PPP1R16B: variants seen among roughly 807,000 people sequenced by gnomAD.
PPP1R16B encodes protein phosphatase 1 regulatory subunit 16B.
PPP1R16B carries 14 observed loss-of-function variants against 61.7 expected under a neutral mutation model. That is an observed-to-expected ratio of 0.23 (90% CI 0.15 to 0.35). The LOEUF (loss-of-function observed/expected upper bound fraction) is 0.35, where lower values mean the gene tolerates loss of function less well. Ranked by LOEUF, PPP1R16B falls within the 10% of genes least tolerant of loss-of-function variation. PPP1R16B has a pLI of 1.00. For synonymous variants in PPP1R16B, 266 were observed against 305.3 expected (o/e 0.87, Z 1.34); for missense variants, 547 against 752.5 (o/e 0.73, Z 3.19).
At chr20:38,809,985 G>GAAAAAAAAAAAA (rs11086731) in intron 1 of PPP1R16B, among the ~76,000 whole-genome samples, 1 of 80,150 alleles carries the variant, frequency 1.2e-5, no homozygotes, top group Admixed American at 1.7e-4. Context: ...ACCTTGTTTC[G>GAAAAAAAAAAAA]AAAAAAAAAA....
At chr20:38,829,535 G>A (rs1007585296) in intron 1 of PPP1R16B, among the ~76,000 whole-genome samples, 1 of 152,172 alleles carries the variant, frequency 6.6e-6, no homozygotes, top group Admixed American at 6.5e-5. Flanking sequence ...GGTCTTCCTT[G>A]GGGATCCCCT....
At chr20:38,814,484 G>C (rs1468664011) in intron 1 of PPP1R16B, among the ~76,000 whole-genome samples, 1 of 152,076 alleles carries the variant, frequency 6.6e-6, no homozygotes, top group Non-Finnish European at 1.5e-5. Flanking sequence ...TGTAAAACAG[G>C]AATAATAATA....
At chr20:38,805,997 G>A (rs928061003) in intron 1 of PPP1R16B, among the ~76,000 whole-genome samples, 1 of 152,014 alleles carries the variant, frequency 6.6e-6, no homozygotes, top group African/African-American at 2.4e-5. Context: ...TCCGGGAGTC[G>A]GGCTGGAATG....
At chr20:38,856,754 C>T (rs941256683) in intron 2 of PPP1R16B, among the ~76,000 whole-genome samples, 1 of 152,256 alleles carries the variant, frequency 6.6e-6, no homozygotes, top group African/African-American at 2.4e-5. Context: ...CCCCATCTTA[C>T]AGGTGGATAA....
chr20:38,885,925 G>A (rs111455049), intron 2 of PPP1R16B, among the ~76,000 whole-genome samples: 4,815 of 152,120 alleles, frequency 0.032, 108 homozygotes, highest in Middle Eastern at 0.075. Flanking sequence ...ACAGGCGTGC[G>A]CCACCACGCC....
chr20:38,826,702 G>C (rs1027085567), intron 1 of PPP1R16B, among the ~76,000 whole-genome samples: 5 of 152,218 alleles, frequency 3.3e-5, no homozygotes, highest in Non-Finnish European at 7.3e-5. Flanking sequence ...GCATGATAGA[G>C]TGCTTAGTCC....
chr20:38,879,801 C>T (rs964316861), intron 2 of PPP1R16B, among the ~76,000 whole-genome samples: 2 of 152,202 alleles, frequency 1.3e-5, no homozygotes, highest in African/African-American at 4.8e-5. Context: ...ATGTCCTGGG[C>T]ACAGAGGTTC....
intron 1 of PPP1R16B, among the ~76,000 whole-genome samples, chr20:38,821,186 T>A (rs1266883439): frequency 6.6e-6 from 1 of 151,852 alleles, no homozygotes; most frequent in African/African-American, 2.4e-5. Flanking sequence ...AAAAGCAGAG[T>A]AGAACTGGGG....
rs1215552505 is a variant in PPP1R16B, at chr20:38,922,191, C to T, written c.*3525C>T. On this transcript the variant is annotated 3_prime_UTR_variant, in exon 11 of 11. Transcript: ENST00000299824. Reference sequence around the variant, plus strand: ...ACAGCATAAGTAAAACTGCTCTGCACTGTTTAATCCATTTCCAAGGGGCTT... The same window carrying T: ...ACAGCATAAGTAAAACTGCTCTGCATTGTTTAATCCATTTCCAAGGGGCTT... 2.0e-5 allele frequency: 3 copies of T among 152,576 alleles called. No homozygotes were observed. The East Asian group carries it at 5.8e-4, about 29-fold the overall frequency. The allele number at this position is 152,576 out of a possible 1,614,324, so 9.5% of individuals were successfully genotyped here. A position where few individuals can be genotyped will look rare whatever the true frequency, so the allele number is the denominator to read the frequency against.
intron 1 of PPP1R16B, among the ~76,000 whole-genome samples, chr20:38,811,182 C>T (rs749802340): frequency 3.9e-5 from 6 of 152,080 alleles, no homozygotes; most frequent in Non-Finnish European, 8.8e-5. Flanking sequence ...CTGAGCCCCA[C>T]GGTGGCCCCA....
rs938078467 is a variant in PPP1R16B at position 38,907,697 on chromosome 20, T to A, written c.899-109T>A. The A allele has an allele frequency of 5.7e-6, 8 of 1,414,716 alleles. No individual in the cohort carries two copies. The African/African-American group carries it at 8.6e-5, about 15-fold the overall frequency. The allele number at this position is 1,414,716 out of a possible 1,614,324, so 87.6% of individuals were successfully genotyped here. ...TTGCCTCCCTGCATGCCCTGAAAGA[T>A]GCTTGGAGTTTTCAGTGGGTTGGGG... On this transcript the variant is annotated intron_variant, in intron 8 of 10. Transcript: ENST00000299824. The surrounding 1 kb of genome is among the most constrained non-coding windows in gnomAD (Gnocchi z 4.5).
At chr20:38,846,728 C>T (rs763709746) in intron 2 of PPP1R16B, among the ~76,000 whole-genome samples, 2 of 152,102 alleles carry the variant, frequency 1.3e-5, no homozygotes, top group African/African-American at 2.4e-5. Flanking sequence ...GTTGGCCGGG[C>T]GCTGTGGCTC....
At chr20:38,840,233 G>A (rs959316029) in intron 2 of PPP1R16B, among the ~76,000 whole-genome samples, 1 of 152,188 alleles carries the variant, frequency 6.6e-6, no homozygotes, top group African/African-American at 2.4e-5. Context: ...GGAGGCTGCC[G>A]GGGTGTTAGC....
intron 1 of PPP1R16B, among the ~76,000 whole-genome samples, chr20:38,816,540 A>G (rs1391018959): frequency 2.0e-5 from 3 of 152,244 alleles, no homozygotes; most frequent in Non-Finnish European, 2.9e-5. Context: ...AGGTCCATGT[A>G]GAAAGGGGTA....
chr20:38,814,659 C>T (rs1601230133), intron 1 of PPP1R16B, among the ~76,000 whole-genome samples: 1 of 152,022 alleles, frequency 6.6e-6, no homozygotes, highest in Non-Finnish European at 1.5e-5. Flanking sequence ...TCATTATGTC[C>T]CCAGGAGCTG....
intron 4 of PPP1R16B, among the ~76,000 whole-genome samples, chr20:38,897,722 G>A (rs2085360518): frequency 6.6e-6 from 1 of 152,198 alleles, no homozygotes; most frequent in Non-Finnish European, 1.5e-5. Context: ...CAGTACACAA[G>A]GATTCTAGTT....
chr20:38,897,005 G>T (rs2085354764), intron 4 of PPP1R16B, among the ~76,000 whole-genome samples: 1 of 152,198 alleles, frequency 6.6e-6, no homozygotes, highest in South Asian at 2.1e-4. Flanking sequence ...AATTAGCCGG[G>T]CATGGTGGTG....
At chr20:38,825,101 T>C (rs2084797569) in intron 1 of PPP1R16B, among the ~76,000 whole-genome samples, 1 of 152,024 alleles carries the variant, frequency 6.6e-6, no homozygotes, top group Non-Finnish European at 1.5e-5. Flanking sequence ...ATGGAGAGAG[T>C]GGTCTTATAA....
chr20:38,917,422 A>G (rs1417086963), intron 10 of PPP1R16B, among the ~76,000 whole-genome samples: 1 of 151,880 alleles, frequency 6.6e-6, no homozygotes, highest in Admixed American at 6.6e-5. Flanking sequence ...TTCCCTGTTC[A>G]TGGTGATTTT....
Sources: gnomAD v4.1 joint callset for allele counts (sites outside exome capture counted in the v4.1 genomes callset) on GRCh38, gnomAD v4.1.1 for gene constraint, Gnocchi (gnomAD v3.1) non-coding constraint, MANE v1.5 for transcripts, NCBI Gene and HGNC (gene_info 2026-07-23, HGNC 2026-07-21) for gene names.